Variants in ERBB4 observed in about 807,000 individuals in gnomAD.
ERBB4 encodes the protein receptor tyrosine-protein kinase erbB-4.
In ERBB4, 42 loss-of-function variants were observed where a neutral mutation model predicts 158.0. That is an observed-to-expected ratio of 0.27 (90% confidence interval 0.21 to 0.34). The LOEUF (loss-of-function observed/expected upper bound fraction) is 0.34. ERBB4 is among the 10% of genes least tolerant of loss of function. ERBB4 has a pLI of 1.00. For synonymous variants in ERBB4, 583 were observed against 558.7 expected (o/e 1.04, Z -0.61); for missense variants, 1,333 against 1,624.1 (o/e 0.82, Z 3.08).
At chr2:211,810,662 CTTTTTT>C (rs59305629) in intron 3 of ERBB4, among the ~76,000 whole-genome samples, 3 of 101,512 alleles carry the variant, frequency 3.0e-5, no homozygotes, top group East Asian at 2.9e-4. Flanking sequence ...CAGTCTCTGT[CTTTTTT>C]TTTTTTTTTT....
chr2:211,548,320 C>A (rs2066994598), intron 20 of ERBB4, among the ~76,000 whole-genome samples: 1 of 148,182 alleles, frequency 6.7e-6, no homozygotes, highest in African/African-American at 2.5e-5. Context: ...AGAGGGAAAA[C>A]TATTGGTGGA....
At chr2:211,879,245 A>G (rs1452145549) in intron 3 of ERBB4, among the ~76,000 whole-genome samples, 1 of 152,158 alleles carries the variant, frequency 6.6e-6, no homozygotes, top group African/African-American at 2.4e-5. Context: ...TTTTTCCCAA[A>G]TCTAGAAAAA....
At position 211,742,190 on chromosome 2, in the gene ERBB4, C is replaced by T. The variant is rs538801070; in HGVS notation, c.622+8449G>A. Among the ~76,000 whole-genome samples, 5 of 152,318 alleles carry T rather than the reference C, an allele frequency of 3.3e-5. No homozygotes were observed. The South Asian group carries it at 1.0e-3, about 32-fold the overall frequency. ...TCTTTCCCTGTTCCCCATTAGCTCCCACTTGCTTTTCTCTGCTCTAATTGG... is the reference window on the plus strand; with the variant it reads ...TCTTTCCCTGTTCCCCATTAGCTCCTACTTGCTTTTCTCTGCTCTAATTGG... On this transcript the variant is annotated intron_variant, in intron 5 of 27. Coordinates refer to ENST00000342788, the MANE Select transcript of ERBB4 (RefSeq NM_005235.3).
chr2:211,589,266 T>C (rs1027798767), intron 19 of ERBB4, among the ~76,000 whole-genome samples: 1 of 152,144 alleles, frequency 6.6e-6, no homozygotes, highest in Non-Finnish European at 1.5e-5. Context: ...CCTCAAGTAA[T>C]TGATGATCTC....
intron 16 of ERBB4, among the ~76,000 whole-genome samples, chr2:211,630,825 A>C (rs185763116): frequency 6.6e-6 from 1 of 152,280 alleles, no homozygotes; most frequent in Non-Finnish European, 1.5e-5. Flanking sequence ...ATGTACAACT[A>C]ATCTTTGAGA....
intron 1 of ERBB4, among the ~76,000 whole-genome samples, chr2:212,256,016 A>AG (rs1553605801): frequency 9.0e-6 from 1 of 110,870 alleles, no homozygotes; most frequent in African/African-American, 2.8e-5. Context: ...TTTTTTACAA[A>AG]TGGGGGGGGG....
chr2:212,125,097 G>T (rs1486166737), intron 1 of ERBB4, 194 bp from the exon 2 acceptor site: 11 of 610,230 alleles, frequency 1.8e-5, no homozygotes, highest in Non-Finnish European at 2.9e-5. Context: ...AATTACATGT[G>T]CTAATCACAG....
chr2:212,503,096 C>A (rs1235888140), intron 1 of ERBB4, among the ~76,000 whole-genome samples: 2 of 152,182 alleles, frequency 1.3e-5, no homozygotes, highest in South Asian at 4.1e-4. Flanking sequence ...CCAGGCTATA[C>A]TGAGAATCTG....
At chr2:212,070,560 T>C (rs1484003775) in intron 2 of ERBB4, among the ~76,000 whole-genome samples, 1 of 152,032 alleles carries the variant, frequency 6.6e-6, no homozygotes, top group East Asian at 1.9e-4. Context: ...CAATTGACTT[T>C]TGGCCAGGGA....
At chr2:211,837,974 C>T (rs2077378960) in intron 3 of ERBB4, among the ~76,000 whole-genome samples, 1 of 151,718 alleles carries the variant, frequency 6.6e-6, no homozygotes, top group South Asian at 2.1e-4. Context: ...GCTCTGTGGC[C>T]CGTGCTGAGG....
chr2:212,173,869 T>A (rs1418728057), intron 1 of ERBB4, among the ~76,000 whole-genome samples: 1 of 152,138 alleles, frequency 6.6e-6, no homozygotes, highest in Non-Finnish European at 1.5e-5. Context: ...TACAAAGTAT[T>A]GAGCCAGTAC....
chr2:212,077,384 A>G (rs2078306391), intron 2 of ERBB4, among the ~76,000 whole-genome samples: 1 of 152,010 alleles, frequency 6.6e-6, no homozygotes, highest in Non-Finnish European at 1.5e-5. Context: ...GATGCTCATC[A>G]ACAGTAGAAA....
At chr2:211,850,041 A>C (rs1466104924) in intron 3 of ERBB4, among the ~76,000 whole-genome samples, 1 of 152,004 alleles carries the variant, frequency 6.6e-6, no homozygotes, top group Non-Finnish European at 1.5e-5. Context: ...GATGCTTTTT[A>C]ACATTTCTAT....
At chr2:211,894,098 A>G (rs2079039170) in intron 3 of ERBB4, among the ~76,000 whole-genome samples, 5 of 117,904 alleles carry the variant, frequency 4.2e-5, no homozygotes, top group African/African-American at 1.7e-4. Flanking sequence ...GCTGCTATAA[A>G]GACACATGCA....
intron 19 of ERBB4, among the ~76,000 whole-genome samples, chr2:211,608,137 T>C (rs903907596): frequency 6.6e-6 from 1 of 152,008 alleles, no homozygotes; most frequent in Non-Finnish European, 1.5e-5. Flanking sequence ...GTGAGTAACA[T>C]AAAATGTCAT....
chr2:212,259,048 G>T (rs1017840167), intron 1 of ERBB4, among the ~76,000 whole-genome samples: 2 of 151,784 alleles, frequency 1.3e-5, no homozygotes, highest in African/African-American at 4.8e-5. Flanking sequence ...CTAGGAGGTG[G>T]GTATAAAATT....
chr2:211,571,041 C>CTTTTTT lies in ERBB4; in HGVS notation c.2302-8959_2302-8954dup, dbSNP rs549254649. ...TTTTCACTCTCTGAGTACTCTTCTT[C>CTTTTTT]TTTTTTTTTTTTTTTTTTTTGAGAC... On this transcript the variant is annotated intron_variant, in intron 19 of 27. Transcript: ENST00000342788. Among the ~76,000 whole-genome samples the CTTTTTT allele has an allele frequency of 1.9e-3, 212 of 109,052 alleles. 3 individuals carry two copies. Among genetic ancestry groups the CTTTTTT allele is most frequent in the Non-Finnish European group, 2.5e-3 (147 of 58,106 alleles). 71.5% of individuals were successfully genotyped at this position (109,052 alleles called of 152,430 possible). A position where few individuals can be genotyped will look rare whatever the true frequency, so the allele number is the denominator to read the frequency against.
intron 25 of ERBB4, among the ~76,000 whole-genome samples, chr2:211,391,320 G>T (rs1279323224): frequency 6.6e-6 from 1 of 152,290 alleles, no homozygotes; most frequent in South Asian, 2.1e-4. Flanking sequence ...TGACCTTAAA[G>T]TTCGAAGCAG....
At chr2:211,690,021 T>C (rs1050970916) in intron 12 of ERBB4, among the ~76,000 whole-genome samples, 1 of 148,770 alleles carries the variant, frequency 6.7e-6, no homozygotes, top group African/African-American at 2.4e-5. Context: ...AAAATATATA[T>C]ATACACTTTA....
Sources: gnomAD v4.1 joint callset for allele counts (sites outside exome capture counted in the v4.1 genomes callset) on GRCh38, gnomAD v4.1.1 for gene constraint, MANE v1.5 for transcripts, NCBI Gene and HGNC (gene_info 2026-07-23, HGNC 2026-07-21) for gene names.